ADAMTS13: variants seen among roughly 807,000 people sequenced by gnomAD.
ADAMTS13 encodes the protein A disintegrin and metalloproteinase with thrombospondin motifs 13.
In ADAMTS13, 110 loss-of-function variants were observed where a neutral mutation model predicts 155.1. The ratio of observed to expected loss-of-function variants is 0.71; its 90% confidence interval spans 0.61 to 0.83. ADAMTS13 has a LOEUF of 0.83. Ranked by LOEUF, ADAMTS13 falls within the 40% of genes least tolerant of loss-of-function variation. The pLI is 0.00. For synonymous variants in ADAMTS13, 758 were observed against 756.4 expected, an observed-to-expected ratio of 1.00 and a Z score of -0.03; for missense variants, 1,707 against 1,891.7, an observed-to-expected ratio of 0.90 and a Z score of 1.81.
intron 23 of ADAMTS13, among the ~76,000 whole-genome samples, chr9:133,454,072 A>C (rs1842599945): frequency 6.6e-6 from 1 of 152,050 alleles, no homozygotes; most frequent in African/African-American, 2.4e-5. Flanking sequence ...GGGTGTTGAG[A>C]TCTGTCTCCT....
At chr9:133,432,191 G>C (rs1840819708) in intron 8 of ADAMTS13, among the ~76,000 whole-genome samples, 1 of 152,130 alleles carries the variant, frequency 6.6e-6, no homozygotes, top group South Asian at 2.1e-4. Flanking sequence ...CTTGAACCCA[G>C]GAGGCAGAGG....
chr9:133,455,920 C>G (rs187774771), intron 25 of ADAMTS13, 149 bp from the exon 26 acceptor site: 2 of 1,046,022 alleles, frequency 1.9e-6, no homozygotes, highest in Non-Finnish European at 2.9e-6. Flanking sequence ...TGCAGCCCCC[C>G]TCCCTGTCCT....
At position 133,456,596 on chromosome 9, in the gene ADAMTS13, C is replaced by T. The variant is rs150961996; in HGVS notation, c.3601C>T (p.Leu1201=). The T allele has an allele frequency of 7.4e-6, 12 of 1,613,344 alleles. No homozygotes were observed. Among genetic ancestry groups the T allele is most frequent in the African/African-American group, 5.3e-5 (4 of 74,910 alleles). ...RLTWRKMCRK[L]LDMTFSSKTN... is the part of the protein sequence containing the mutation. ...CACCTGGAGGAAGATGTGCAGGAAG[C>T]TGTTGGACATGACTTTCAGCTCCAA... The change falls in exon 27 of 29, where the codon CTG becomes TTG. Residue 1201 remains leucine, a synonymous_variant. Coordinates refer to ENST00000355699, the MANE Select transcript of ADAMTS13 (RefSeq NM_139027.6). This position sits in a 1 kb window ranked among gnomAD's most constrained non-coding sequence, Gnocchi z 4.4.
chr9:133,430,582 T>A (rs1840674959), intron 8 of ADAMTS13, among the ~76,000 whole-genome samples: 1 of 152,234 alleles, frequency 6.6e-6, no homozygotes, highest in Admixed American at 6.5e-5. Context: ...TCCAGGCACT[T>A]TTGCCTTGAT....
rs1840217041 is a variant in ADAMTS13 at position 133,425,452 on chromosome 9, G to A, written c.331-77G>A. 3.7e-6 allele frequency: 5 copies of A among 1,364,638 alleles called. No homozygotes were observed. In the East Asian group the frequency reaches 9.8e-5, roughly 27 times the overall value. 84.5% of individuals were successfully genotyped at this position (1,364,638 alleles called of 1,614,324 possible). On this transcript the variant is annotated intron_variant, in intron 3 of 28. Coordinates refer to ENST00000355699, the MANE Select transcript of ADAMTS13 (RefSeq NM_139027.6). This position sits in a 1 kb window ranked among gnomAD's most constrained non-coding sequence, Gnocchi z 4.6. ...CTCTCCAGCTCTTCACACTCCGGGG[G>A]CCCCTGGGAGTCAGCAGCTGCCTGG...
chr9:133,426,337 T>C lies in ADAMTS13; in HGVS notation c.678T>C (p.Ile226=). ...TGGGAGTCACCATTGCCCATGAGAT[T>C]GGGCACAGGTATGTAGCCCCACCAG... is the stretch of plus-strand genomic sequence containing the variant. ...FDLGVTIAHE[I]GHSFGLEHDG... is the part of the protein sequence containing the mutation. Residue 226 remains isoleucine (I), a synonymous_variant, in exon 6 of 29, where the codon ATT becomes ATC. Transcript: ENST00000355699. 1 of 1,601,130 alleles carries C rather than the reference T, an allele frequency of 6.2e-7. No homozygotes were observed. The highest frequency in any genetic ancestry group is 2.2e-5 in the East Asian group (1 of 44,880).
In ADAMTS13 at chr9:133,433,748, G is replaced by A. The variant is rs782535721; in HGVS notation, c.1308+44G>A. On this transcript the variant is annotated intron_variant, in intron 11 of 28. Transcript: ENST00000355699. The stretch of plus-strand genomic sequence containing the variant: ...GTAGGAGGGGGCAGCTGGTGGCACC[G>A]GGCCCTGGGGGAGCCAAAGTGACCA... The A allele has an allele frequency of 1.6e-5, 26 of 1,603,278 alleles. No individual in the cohort carries two copies. In the Admixed American group the frequency reaches 2.5e-4, roughly 15 times the overall value.
At chr9:133,414,987 C>T in intron 1 of ADAMTS13, 1 of 1,583,266 alleles carries the variant, frequency 6.3e-7, no homozygotes, top group Non-Finnish European at 8.5e-7. Flanking sequence ...TTTTCTGGGG[C>T]CTGAGATTTT....
chr9:133,437,767 A>G lies in ADAMTS13; in HGVS notation c.1454A>G (p.His485Arg). The stretch of plus-strand genomic sequence containing the variant: ...CTCCCAGGGGATGCTCTGTGCAGAC[A>G]CATGTGCCGGGCCATTGGCGAGAGC... ...PHSQGDALCR[H>R]MCRAIGESFI... Residue 485 changes from histidine (H) to arginine (R), a missense_variant, in exon 13 of 29, where the codon CAC (histidine) becomes CGC (arginine). By Grantham distance (29) the His-to-Arg change is conservative. This residue lies in a region of ADAMTS13 where 733 missense variants were observed against 749.6 expected (regional missense o/e 0.98). Transcript: ENST00000355699. 6.2e-7 allele frequency: 1 copy of G among 1,613,910 alleles called. No homozygotes were observed. Among genetic ancestry groups the G allele is most frequent in the Non-Finnish European group, 8.5e-7 (1 of 1,180,032 alleles).
At chr9:133,437,317 C>T (rs1156556232) in intron 12 of ADAMTS13, among the ~76,000 whole-genome samples, 1 of 152,162 alleles carries the variant, frequency 6.6e-6, no homozygotes, top group Non-Finnish European at 1.5e-5. Flanking sequence ...AGTGCAGGGG[C>T]GTAATCTCAG....
chr9:133,442,304 T>C, intron 16 of ADAMTS13, 95 bp from the exon 17 acceptor site: 1 of 1,581,478 alleles, frequency 6.3e-7, no homozygotes, highest in South Asian at 1.1e-5. Flanking sequence ...ATTATAGGGA[T>C]GCAAGAAGAA....
chr9:133,435,191 CTTTT>C (rs1415886784), intron 11 of ADAMTS13, among the ~76,000 whole-genome samples: 1 of 138,884 alleles, frequency 7.2e-6, no homozygotes, highest in Non-Finnish European at 1.6e-5. Flanking sequence ...TTTTTTTTTT[CTTTT>C]TTTTTTTTTT....
intron 6 of ADAMTS13, among the ~76,000 whole-genome samples, chr9:133,426,814 T>G (rs1205685275): frequency 6.6e-6 from 1 of 152,134 alleles, no homozygotes; most frequent in African/African-American, 2.4e-5. Context: ...TTTTCTTTTT[T>G]TTTTTTGAGA....
chr9:133,440,252 T>G lies in ADAMTS13; in HGVS notation c.1787-92T>G. ...TGCCTGTGGCTCCTTAGAGGAGGGC[T>G]GGGGACCCCGGGAAGGAGAGTCACT... On this transcript the variant is annotated intron_variant, in intron 15 of 28. Transcript: ENST00000355699. This position sits in a 1 kb window ranked among gnomAD's most constrained non-coding sequence, Gnocchi z 4.3. 6.4e-7 allele frequency: 1 copy of G among 1,554,830 alleles called. No individual in the cohort carries two copies.
chr9:133,457,893 C>G lies in ADAMTS13; in HGVS notation c.3725-17C>G. On this transcript the variant is annotated splice_polypyrimidine_tract_variant and intron_variant, in intron 27 of 28. Coordinates refer to ENST00000355699, the MANE Select transcript of ADAMTS13 (RefSeq NM_139027.6). ...CCGGTCTGTCTGGGTTCCTATGTCC[C>G]TATGTCCCACCTGCAGAATGTGACA... 6.2e-7 allele frequency: 1 copy of G among 1,613,740 alleles called. No individual in the cohort carries two copies. The highest frequency in any genetic ancestry group is 8.5e-7 in the Non-Finnish European group (1 of 1,180,026).
chr9:133,458,555 C>CA lies in ADAMTS13; in HGVS notation c.3910-398dup, dbSNP rs10699153. On this transcript the variant is annotated intron_variant, in intron 28 of 28. Transcript: ENST00000355699. ...TGGGCAACAGAGTGAGACTCTGTCT[C>CA]AAAAAAAAAAAAAAAAAAAAAGCGA... 3.5e-3 allele frequency among the ~76,000 whole-genome samples: 195 copies of CA among 56,148 alleles called. 5 individuals are homozygous for CA. Among genetic ancestry groups the CA allele is most frequent in the South Asian group, 6.0e-3 (5 of 830 alleles). The allele number at this position is 56,148 out of a possible 152,430, so 36.8% of individuals were successfully genotyped here.
Position 133,443,648 on chromosome 9 carries a change from C to T in ADAMTS13, c.2420+87C>T, listed in dbSNP as rs942087148. 1.3e-5 allele frequency: 19 copies of T among 1,411,656 alleles called. No homozygotes were observed. In the East Asian group the frequency reaches 4.0e-4, roughly 30 times the overall value. The allele number at this position is 1,411,656 out of a possible 1,614,324, so 87.4% of individuals were successfully genotyped here. ...GAGCCCCCATCCTTCTGAGAATCCCCTCCTCCTGAGGCCTCCGGCGGGGCC... is the reference window on the plus strand; with the variant it reads ...GAGCCCCCATCCTTCTGAGAATCCCTTCCTCCTGAGGCCTCCGGCGGGGCC... On this transcript the variant is annotated intron_variant, in intron 19 of 28. Coordinates refer to ENST00000355699, the MANE Select transcript of ADAMTS13 (RefSeq NM_139027.6).
intron 28 of ADAMTS13, 48 bp downstream of exon 28, chr9:133,458,142 C>G (rs782648172): frequency 8.1e-6 from 13 of 1,600,386 alleles, no homozygotes; most frequent in South Asian, 6.7e-5. Flanking sequence ...ACAGCTTTCC[C>G]TAGGGCGTGC....
intron 1 of ADAMTS13, among the ~76,000 whole-genome samples, 179 bp from the exon 2 acceptor site, chr9:133,422,922 T>TTC (rs1301183610): frequency 8.0e-5 from 12 of 149,370 alleles, no homozygotes; most frequent in African/African-American, 9.8e-5. Flanking sequence ...TCTTTTTTCT[T>TTC]TCTCTCTCTC....
Sources: gnomAD v4.1 joint callset for allele counts (sites outside exome capture counted in the v4.1 genomes callset) on GRCh38, gnomAD v4.1.1 for gene constraint, gnomAD v4.1.1 regional missense constraint, Gnocchi (gnomAD v3.1) non-coding constraint, MANE v1.5 for transcripts, NCBI Gene and HGNC (gene_info 2026-07-23, HGNC 2026-07-21) for gene names.